Variants in THSD4 observed in about 807,000 individuals in gnomAD.
The protein encoded by THSD4 is thrombospondin type 1 domain containing 4.
Under a neutral mutation model 119.0 loss-of-function variants are expected in THSD4, and 69 were observed. The observed-to-expected ratio is 0.58, with a 90% CI of 0.48 to 0.71. THSD4 has a LOEUF of 0.71. Among genes scored for constraint, THSD4 ranks in the 30% least tolerant of loss-of-function variants. The pLI, the probability that THSD4 is intolerant of heterozygous loss-of-function variation, is 0.00. For synonymous variants in THSD4, 524 were observed against 540.4 expected, an observed-to-expected ratio of 0.97 and a Z score of 0.42; for missense variants, 1,393 against 1,391.1, an observed-to-expected ratio of 1.00 and a Z score of -0.02.
At chr15:71,206,497 G>C (rs911281233) in intron 3 of THSD4, among the ~76,000 whole-genome samples, 2 of 152,142 alleles carry the variant, frequency 1.3e-5, no homozygotes, top group Non-Finnish European at 2.9e-5. Context: ...GTGTTGACTT[G>C]GTTATGTGGC....
At chr15:71,574,321 T>C (rs1337120293) in intron 7 of THSD4, among the ~76,000 whole-genome samples, 2 of 152,230 alleles carry the variant, frequency 1.3e-5, no homozygotes, top group East Asian at 3.8e-4. Context: ...GATATTATTG[T>C]CATCCCCTTT....
intron 7 of THSD4, among the ~76,000 whole-genome samples, chr15:71,639,564 G>A (rs2050814160): frequency 6.6e-6 from 1 of 152,160 alleles, no homozygotes; most frequent in Admixed American, 6.6e-5. Context: ...ATATGTGCCA[G>A]TTCTGAAAGG....
At chr15:71,507,342 C>A (rs2048205714) in intron 7 of THSD4, among the ~76,000 whole-genome samples, 1 of 152,160 alleles carries the variant, frequency 6.6e-6, no homozygotes, top group South Asian at 2.1e-4. Context: ...TTCCAGGAAC[C>A]AATTTGGGTT....
intron 8 of THSD4, among the ~76,000 whole-genome samples, chr15:71,686,716 G>C (rs958506864): frequency 6.6e-6 from 1 of 152,182 alleles, no homozygotes; most frequent in Non-Finnish European, 1.5e-5. Context: ...CAATCTCTGT[G>C]GGGGGAAGCA....
chr15:71,109,035 AAG>A lies in THSD4; in HGVS notation c.-80+12033_-80+12034del, dbSNP rs531534569. ...ACAAAAAAACAAACAAAAAAACAAA[AAG>A]AGAAAATACTCTCTTCCACCTCTAG... On this transcript the variant is annotated intron_variant, in intron 1 of 17. Transcript: ENST00000355327. 7.9e-4 allele frequency among the ~76,000 whole-genome samples: 120 copies of A among 152,274 alleles called. 1 individual carries two copies. The highest frequency in any genetic ancestry group is 2.8e-3 in the African/African-American group (117 of 41,542).
intron 7 of THSD4, among the ~76,000 whole-genome samples, chr15:71,563,857 A>AT (rs1195404971): frequency 6.6e-6 from 1 of 152,092 alleles, no homozygotes; most frequent in African/African-American, 2.4e-5. Context: ...ACAAATGCGT[A>AT]TTGAGGCCCT....
chr15:71,605,145 G>A (rs148754476), intron 7 of THSD4, among the ~76,000 whole-genome samples: 26 of 152,286 alleles, frequency 1.7e-4, no homozygotes, highest in East Asian at 3.9e-4. Context: ...GGTGACCAGC[G>A]TCACTGGAAC....
intron 4 of THSD4, among the ~76,000 whole-genome samples, chr15:71,216,742 C>T (rs1306301571): frequency 6.6e-6 from 1 of 152,234 alleles, no homozygotes; most frequent in Non-Finnish European, 1.5e-5. Flanking sequence ...AAGCCGAAGG[C>T]TAGATGTACG....
At chr15:71,652,160 G>A (rs1567082673) in intron 7 of THSD4, among the ~76,000 whole-genome samples, 1 of 152,144 alleles carries the variant, frequency 6.6e-6, no homozygotes, top group Non-Finnish European at 1.5e-5. Flanking sequence ...ATAGGGTGTA[G>A]GCAGTGTCTC....
chr15:71,492,643 C>T (rs80302465), intron 7 of THSD4, among the ~76,000 whole-genome samples: 2,929 of 152,272 alleles, frequency 0.019, 110 homozygotes, highest in African/African-American at 0.066. Context: ...GCTTCACCAA[C>T]TCCATGAGCC....
rs1056665366 is a variant in THSD4 at position 71,239,485 on chromosome 15, G to T, written c.465-3164G>T. 3.9e-5 allele frequency among the ~76,000 whole-genome samples: 6 copies of T among 152,224 alleles called. No individual in the cohort carries two copies. The East Asian group carries it at 1.2e-3, about 29-fold the overall frequency. ...CAAACCCCAGAAAGCTGGCCTCAGG[G>T]TCCATGTCGTGAACCACTAGCCTAC... On this transcript the variant is annotated intron_variant, in intron 4 of 17. Coordinates refer to ENST00000261862, the MANE Select transcript of THSD4 (RefSeq NM_024817.3).
At chr15:71,685,314 C>T (rs1322060133) in intron 8 of THSD4, among the ~76,000 whole-genome samples, 1 of 151,216 alleles carries the variant, frequency 6.6e-6, no homozygotes, top group African/African-American at 2.4e-5. Context: ...ACCCTTTTCT[C>T]CTCTTTAAAA....
At position 71,236,098 on chromosome 15, in the gene THSD4, G is replaced by A. The variant is rs555925526; in HGVS notation, c.465-6551G>A. ...TGCTCTGTGGGATGCTGTGGCCCGT[G>A]TGGGGTTCATGTTAGCACAGCTGAG... On this transcript the variant is annotated intron_variant, in intron 4 of 17. Transcript: ENST00000261862. 2.6e-4 allele frequency among the ~76,000 whole-genome samples: 39 copies of A among 152,278 alleles called. 1 individual carries two copies. The South Asian group carries it at 7.9e-3, about 31-fold the overall frequency.
intron 7 of THSD4, among the ~76,000 whole-genome samples, chr15:71,518,414 G>A (rs1031235393): frequency 6.6e-6 from 1 of 152,194 alleles, no homozygotes; most frequent in Non-Finnish European, 1.5e-5. Context: ...AAGAGTGGAA[G>A]TCCCTACCTG....
At chr15:71,731,299 C>G (rs2141134949) in intron 10 of THSD4, 82 bp downstream of exon 10, 1 of 1,347,904 alleles carries the variant, frequency 7.4e-7, no homozygotes, top group East Asian at 2.4e-5. Flanking sequence ...TGCATCCACC[C>G]TCTGTCTCTC....
Position 71,696,291 on chromosome 15 carries a change from A to T in THSD4, c.1358-32258A>T, listed in dbSNP as rs192672123. On this transcript the variant is annotated intron_variant, in intron 8 of 17. Transcript: ENST00000261862. ...AGAAGATCAGAGGAGAAGCAGACCC[A>T]TGTGCAGAGAGGGACCAAACAGGAG... is the stretch of plus-strand genomic sequence containing the variant. 4.6e-5 allele frequency among the ~76,000 whole-genome samples: 7 copies of T among 152,340 alleles called. No individual in the cohort carries two copies. The East Asian group carries it at 1.3e-3, about 29-fold the overall frequency.
At chr15:71,422,673 T>C (rs2046823501) in intron 7 of THSD4, among the ~76,000 whole-genome samples, 1 of 152,136 alleles carries the variant, frequency 6.6e-6, no homozygotes, top group Non-Finnish European at 1.5e-5. Context: ...GCCCAAGGCC[T>C]GCCATAGCCA....
At chr15:71,441,584 G>A (rs371691018) in intron 7 of THSD4, among the ~76,000 whole-genome samples, 8 of 151,322 alleles carry the variant, frequency 5.3e-5, no homozygotes, top group Non-Finnish European at 7.4e-5. Flanking sequence ...TAGTAGAGAC[G>A]GGGTTTCACT....
intron 8 of THSD4, among the ~76,000 whole-genome samples, chr15:71,704,517 G>A (rs2052357968): frequency 6.6e-6 from 1 of 152,154 alleles, no homozygotes; most frequent in Admixed American, 6.5e-5. Context: ...CCACCATGAT[G>A]GTGACACCTC....
Sources: gnomAD v4.1 joint callset for allele counts (sites outside exome capture counted in the v4.1 genomes callset) on GRCh38, gnomAD v4.1.1 for gene constraint, MANE v1.5 for transcripts, NCBI Gene and HGNC (gene_info 2026-07-23, HGNC 2026-07-21) for gene names.